The following MLLT3 variants were observed in gnomAD, a reference collection of about 807,000 sequenced individuals.
The protein encoded by MLLT3 is MLLT3 super elongation complex subunit.
MLLT3 carries 4 observed loss-of-function variants against 53.2 expected under a neutral mutation model. The ratio of observed to expected loss-of-function variants is 0.08; its 90% CI spans 0.04 to 0.17. The LOEUF is 0.17. Among genes scored for constraint, MLLT3 ranks in the 10% least tolerant of loss-of-function variants. The probability of loss-of-function intolerance (pLI) is 1.00; values close to 1 mark genes in which losing one functional copy is unlikely to be tolerated. For synonymous variants in MLLT3, 283 were observed against 230.6 expected (o/e 1.23, Z -2.06); for missense variants, 569 against 684.0 (o/e 0.83, Z 1.87).
intron 2 of MLLT3, among the ~76,000 whole-genome samples, chr9:20,460,394 C>T (rs1249383403): frequency 6.6e-6 from 1 of 152,208 alleles, no homozygotes; most frequent in Non-Finnish European, 1.5e-5. Flanking sequence ...TTAACATTTA[C>T]TTTTTAAATT....
intron 4 of MLLT3, among the ~76,000 whole-genome samples, chr9:20,423,083 G>A (rs935011525): frequency 6.6e-6 from 1 of 152,148 alleles, no homozygotes; most frequent in South Asian, 2.1e-4. Flanking sequence ...CTTTGGAGAT[G>A]GTCTTGCTCT....
chr9:20,608,447 G>C (rs760205453), intron 2 of MLLT3, among the ~76,000 whole-genome samples: 15 of 151,832 alleles, frequency 9.9e-5, no homozygotes, highest in Non-Finnish European at 1.8e-4. Flanking sequence ...TTACACATGG[G>C]TATCTTTCTG....
chr9:20,512,676 G>C (rs1454963364), intron 2 of MLLT3, among the ~76,000 whole-genome samples: 1 of 152,088 alleles, frequency 6.6e-6, no homozygotes, highest in Non-Finnish European at 1.5e-5. Context: ...TATTGTTTTT[G>C]GTTTTTTAAT....
At chr9:20,410,483 G>A (rs1273232924) in intron 5 of MLLT3, 1 of 152,008 alleles carries the variant, frequency 6.6e-6, no homozygotes, top group African/African-American at 2.4e-5. Context: ...ATTTGCCCAA[G>A]ATCCCTAGTG....
rs998932912 is a variant in MLLT3 at position 20,622,396 on chromosome 9, C to CT, written c.-141dup. On this transcript the variant is annotated 5_prime_UTR_variant, in exon 1 of 11. Transcript: ENST00000380338. ...AGGGTAGATGGCGGACATTCTCTGC[C>CT]TTTTTCCCCCCGCGCTCGCTTGCTC... The CT allele has an allele frequency of 1.1e-4, 86 of 760,882 alleles. No individual in the cohort carries two copies. Among genetic ancestry groups the CT allele is most frequent in the Non-Finnish European group, 1.6e-4 (80 of 490,362 alleles). 47.1% of individuals were successfully genotyped at this position (760,882 alleles called of 1,614,324 possible).
At chr9:20,589,176 G>A (rs1820058756) in intron 2 of MLLT3, among the ~76,000 whole-genome samples, 1 of 149,492 alleles carries the variant, frequency 6.7e-6, no homozygotes, top group South Asian at 2.1e-4. Flanking sequence ...CAAAGACTTG[G>A]AACCAACCCA....
At chr9:20,442,119 T>A (rs1261029010) in intron 4 of MLLT3, among the ~76,000 whole-genome samples, 2 of 152,164 alleles carry the variant, frequency 1.3e-5, no homozygotes, top group Non-Finnish European at 2.9e-5. Flanking sequence ...GAAAATGGCT[T>A]TTTAAGCATA....
chr9:20,380,890 G>A (rs1344919504), intron 5 of MLLT3, among the ~76,000 whole-genome samples: 2 of 151,952 alleles, frequency 1.3e-5, no homozygotes, highest in Admixed American at 1.3e-4. Context: ...GCGAAAGAAA[G>A]CCAGAAATAC....
intron 2 of MLLT3, among the ~76,000 whole-genome samples, chr9:20,533,847 A>G (rs1243312929): frequency 3.3e-5 from 5 of 152,242 alleles, no homozygotes; most frequent in Admixed American, 1.3e-4. Flanking sequence ...AAAAACGCTG[A>G]AGTCATAGAA....
Position 20,468,604 on chromosome 9 carries a change from G to A in MLLT3, c.194-11818C>T, listed in dbSNP as rs1442445424. On this transcript the variant is annotated intron_variant, in intron 2 of 10. Transcript: ENST00000380338. ...GTTTGAGTCCTGTGATGCAGTAAAA[G>A]AAAAATTAATGGGGAATCAGGGGAC... Among the ~76,000 whole-genome samples, 3 of 152,314 alleles carry A rather than the reference G, an allele frequency of 2.0e-5. No homozygotes were observed. In the East Asian group the frequency reaches 5.8e-4, roughly 29 times the overall value.
chr9:20,360,791 G>C lies in MLLT3; in HGVS notation c.1382C>G (p.Pro461Arg). ...SDSESSSASS[P>R]LHHEPPPPLL... The stretch of plus-strand genomic sequence containing the variant: ...GGGTGGTGGAGGTTCGTGATGTAGG[G>C]GTGAAGAAGCAGAACTGCTTTCACT... Residue 461 changes from proline to arginine, a missense_variant, in exon 8 of 11, where the codon CCC becomes CGC. By Grantham distance (103) the Pro-to-Arg change is moderately radical. Transcript: ENST00000380338. The C allele has an allele frequency of 6.2e-7, 1 of 1,614,044 alleles. No individual in the cohort carries two copies. Among genetic ancestry groups the C allele is most frequent in the Non-Finnish European group, 8.5e-7 (1 of 1,179,938 alleles).
rs150673086 is a variant in MLLT3, at chr9:20,580,138, C to A, written c.193+40516G>T. Among the ~76,000 whole-genome samples, 851 of 152,318 alleles carry A rather than the reference C, an allele frequency of 5.6e-3. 2 individuals carry two copies. Among genetic ancestry groups the A allele is most frequent in the Non-Finnish European group, 8.5e-3 (580 of 68,020 alleles). ...AGTCTACTCATCTTAGTCATTCACA[C>A]AGGCACAACCCCAGCCATGCTAATG... is the stretch of plus-strand genomic sequence containing the variant. On this transcript the variant is annotated intron_variant, in intron 2 of 10. Coordinates refer to ENST00000380338, the MANE Select transcript of MLLT3 (RefSeq NM_004529.4).
chr9:20,437,318 A>G (rs1442124693), intron 4 of MLLT3, among the ~76,000 whole-genome samples: 1 of 152,172 alleles, frequency 6.6e-6, no homozygotes, highest in Non-Finnish European at 1.5e-5. Context: ...TTTTCATTTT[A>G]AAAAGGTAAA....
At chr9:20,471,905 C>G (rs546575572) in intron 2 of MLLT3, among the ~76,000 whole-genome samples, 12 of 151,464 alleles carry the variant, frequency 7.9e-5, no homozygotes, top group African/African-American at 2.9e-4. Flanking sequence ...CACAGCAACA[C>G]AGCTGTTTCT....
chr9:20,504,114 A>T (rs1400660207), intron 2 of MLLT3, among the ~76,000 whole-genome samples: 1 of 152,202 alleles, frequency 6.6e-6, no homozygotes, highest in Non-Finnish European at 1.5e-5. Flanking sequence ...GTGGGAATGA[A>T]AACTAGTATA....
At chr9:20,506,118 G>A (rs980390521) in intron 2 of MLLT3, among the ~76,000 whole-genome samples, 2 of 150,830 alleles carry the variant, frequency 1.3e-5, no homozygotes, top group African/African-American at 2.4e-5. Context: ...GCAGTGGCAC[G>A]ATTTCGGCTC....
intron 2 of MLLT3, among the ~76,000 whole-genome samples, chr9:20,584,366 C>A (rs1042172113): frequency 2.6e-5 from 4 of 152,214 alleles, no homozygotes; most frequent in African/African-American, 9.6e-5. Context: ...ACTGTTCCAA[C>A]CTCTGCCTGT....
chr9:20,605,295 G>A (rs1211585942), intron 2 of MLLT3, among the ~76,000 whole-genome samples: 1 of 152,024 alleles, frequency 6.6e-6, no homozygotes, highest in Non-Finnish European at 1.5e-5. Context: ...TACTATCAAT[G>A]TATCTGAGAT....
intron 6 of MLLT3, 35 bp from the exon 7 acceptor site, chr9:20,363,640 A>G (rs767998543): frequency 1.2e-6 from 2 of 1,607,828 alleles, no homozygotes; most frequent in South Asian, 1.1e-5. Flanking sequence ...GCAATCAAAC[A>G]TATACTCAAA....
Sources: allele counts gnomAD v4.1 joint callset (sites outside exome capture counted in the v4.1 genomes callset), GRCh38; gene constraint gnomAD v4.1.1; transcripts MANE v1.5; gene names NCBI Gene and HGNC (gene_info 2026-07-23, HGNC 2026-07-21).